YTHDF2: variants seen among roughly 807,000 people sequenced by gnomAD.
YTHDF2 encodes YTH domain-containing family protein 2.
A neutral mutation model predicts 50.4 loss-of-function variants in YTHDF2; 2 were observed. The observed-to-expected ratio is 0.04, with a 90% CI of 0.02 to 0.12. The LOEUF (loss-of-function observed/expected upper bound fraction) is 0.12. Ranked by LOEUF, YTHDF2 falls within the 10% of genes least tolerant of loss-of-function variation. The pLI is 1.00. For missense variants in YTHDF2, 483 were observed against 722.6 expected, an observed-to-expected ratio of 0.67 and a Z score of 3.80; for synonymous variants, 217 against 255.6, an observed-to-expected ratio of 0.85 and a Z score of 1.44.
intron 4 of YTHDF2, among the ~76,000 whole-genome samples, chr1:28,753,001 T>C (rs2087980183): frequency 6.6e-6 from 1 of 152,080 alleles, no homozygotes; most frequent in Middle Eastern, 3.4e-3. Context: ...GCTGTGATCA[T>C]GCCACTGCAC....
At chr1:28,759,366 G>A (rs1247242810) in intron 4 of YTHDF2, among the ~76,000 whole-genome samples, 1 of 152,094 alleles carries the variant, frequency 6.6e-6, no homozygotes, top group Non-Finnish European at 1.5e-5. Context: ...AAAACTTAGG[G>A]AACATACCTA....
At chr1:28,766,734 G>A (rs543605770) in intron 4 of YTHDF2, among the ~76,000 whole-genome samples, 10 of 151,948 alleles carry the variant, frequency 6.6e-5, no homozygotes, top group South Asian at 6.2e-4. Flanking sequence ...TTAATATTAC[G>A]TAATGCTCAA....
chr1:28,749,239 G>A (rs908136106), intron 4 of YTHDF2, among the ~76,000 whole-genome samples: 83 of 146,824 alleles, frequency 5.7e-4, no homozygotes, highest in African/African-American at 1.9e-3. Flanking sequence ...TCGTCCAGGC[G>A]GGAGTGCAGT....
intron 4 of YTHDF2, among the ~76,000 whole-genome samples, chr1:28,760,632 C>T (rs2088108899): frequency 6.6e-6 from 1 of 151,476 alleles, no homozygotes; most frequent in Admixed American, 6.6e-5. Context: ...GGCTGGAGTA[C>T]AGTGGTGTGA....
intron 4 of YTHDF2, among the ~76,000 whole-genome samples, chr1:28,749,179 C>CTTTTTTTTTTTT (rs60729215): frequency 5.6e-5 from 6 of 107,426 alleles, no homozygotes; most frequent in Non-Finnish European, 8.9e-5. Context: ...TTCTTTCTTC[C>CTTTTTTTTTTTT]TTTTTTTTTT....
chr1:28,741,819 C>G (rs574944069), intron 3 of YTHDF2, among the ~76,000 whole-genome samples: 7 of 152,136 alleles, frequency 4.6e-5, no homozygotes, highest in Non-Finnish European at 7.3e-5. Context: ...TTATTATCAC[C>G]TGGTTTGTAT....
chr1:28,744,007 A>G, intron 4 of YTHDF2, 21 bp downstream of exon 4: 1 of 1,519,610 alleles, frequency 6.6e-7, no homozygotes, highest in Non-Finnish European at 8.8e-7. Context: ...TCTTCTTATT[A>G]AGATTTTTAG....
At chr1:28,762,249 G>C (rs1463737679) in intron 4 of YTHDF2, among the ~76,000 whole-genome samples, 1 of 152,222 alleles carries the variant, frequency 6.6e-6, no homozygotes, top group Non-Finnish European at 1.5e-5. Context: ...AAAATTAGCC[G>C]GGCATGGTGG....
intron 4 of YTHDF2, among the ~76,000 whole-genome samples, chr1:28,756,206 C>G (rs2088033495): frequency 6.6e-6 from 1 of 152,104 alleles, no homozygotes. Context: ...GTGAAATAGA[C>G]TATGTAAAAA....
chr1:28,755,678 AGTTT>A (rs1328822725), intron 4 of YTHDF2, among the ~76,000 whole-genome samples: 2 of 152,174 alleles, frequency 1.3e-5, no homozygotes, highest in Non-Finnish European at 2.9e-5. Flanking sequence ...GAGAGAGAAT[AGTTT>A]GAGTTTCAGA....
chr1:28,736,831 C>T, upstream of YTHDF2: 1 of 394,750 alleles, frequency 2.5e-6, no homozygotes, highest in South Asian at 3.6e-5. Context: ...TGAGAGTCAG[C>T]GCTCGCGCCG....
At chr1:28,748,502 C>T (rs2087898454) in intron 4 of YTHDF2, among the ~76,000 whole-genome samples, 1 of 152,176 alleles carries the variant, frequency 6.6e-6, no homozygotes. Context: ...TTTTAAAGTT[C>T]CATGATTGGG....
Position 28,761,995 on chromosome 1 carries a change from G to A in YTHDF2, c.1717-6934G>A, listed in dbSNP as rs1227079511. Among the ~76,000 whole-genome samples, 3 of 152,092 alleles carry A rather than the reference G, an allele frequency of 2.0e-5. No homozygotes were observed. The South Asian group carries it at 6.2e-4, about 32-fold the overall frequency. ...CTTGAAGTCTAAAGTCAAGTCATTAGACTTATTTAACTTATTCACGGCATT... is the reference window on the plus strand; with the variant it reads ...CTTGAAGTCTAAAGTCAAGTCATTAAACTTATTTAACTTATTCACGGCATT... On this transcript the variant is annotated intron_variant, in intron 4 of 4. Coordinates refer to ENST00000373812, the MANE Select transcript of YTHDF2 (RefSeq NM_016258.3).
At chr1:28,767,157 G>A (rs961991931) in intron 4 of YTHDF2, among the ~76,000 whole-genome samples, 1 of 151,948 alleles carries the variant, frequency 6.6e-6, no homozygotes, top group Non-Finnish European at 1.5e-5. Context: ...TGGTATTGTT[G>A]TGTTAAAATT....
At chr1:28,740,598 T>C (rs984856409) in intron 3 of YTHDF2, among the ~76,000 whole-genome samples, 2 of 152,226 alleles carry the variant, frequency 1.3e-5, no homozygotes, top group Non-Finnish European at 2.9e-5. Context: ...GAATTTCTTA[T>C]ATATGTGGAT....
chr1:28,737,039 TC>T lies in YTHDF2; in HGVS notation c.-79del. On this transcript the variant is annotated 5_prime_UTR_variant, in exon 1 of 5. Transcript: ENST00000373812. Reference sequence around the variant, plus strand: ...GTCAGGGACAAAAGCCTCCGCCTGCTCCCGCAGACGGGGCTCATCTGCCGCC... The same window carrying T: ...GTCAGGGACAAAAGCCTCCGCCTGCTCCGCAGACGGGGCTCATCTGCCGCC... The T allele has an allele frequency of 6.6e-7, 1 of 1,522,304 alleles. No individual in the cohort carries two copies. 94.3% of individuals were successfully genotyped at this position (1,522,304 alleles called of 1,614,324 possible). A position where few individuals can be genotyped will look rare whatever the true frequency, so the allele number is the denominator to read the frequency against.
intron 4 of YTHDF2, among the ~76,000 whole-genome samples, chr1:28,766,047 C>T (rs2088211189): frequency 6.6e-6 from 1 of 152,082 alleles, no homozygotes; most frequent in Non-Finnish European, 1.5e-5. Flanking sequence ...TTTTGTGGTC[C>T]AAGTTCTAGT....
In YTHDF2 at chr1:28,765,225, A is replaced by G. The variant is rs1570482442; in HGVS notation, c.1717-3704A>G. Among the ~76,000 whole-genome samples the G allele has an allele frequency of 8.6e-5, 13 of 151,730 alleles. 1 individual carries two copies. In the South Asian group the frequency reaches 2.7e-3, roughly 32 times the overall value. The stretch of plus-strand genomic sequence containing the variant: ...GCCACCTTGCCCAGGCTGGTCTCGA[A>G]CTCTGGCCTTAAGTGATCCACCTGC... On this transcript the variant is annotated intron_variant, in intron 4 of 4. Coordinates refer to ENST00000373812, the MANE Select transcript of YTHDF2 (RefSeq NM_016258.3).
In YTHDF2 at chr1:28,753,144, G is replaced by A. The variant is rs559563283; in HGVS notation, c.1716+9158G>A. ...AAACATGTTTCATGTTTGTATATTG[G>A]AACTTACACCTGGAGAGCCACTGAG... On this transcript the variant is annotated intron_variant, in intron 4 of 4. Transcript: ENST00000373812. Among the ~76,000 whole-genome samples, 4 of 151,544 alleles carry A rather than the reference G, an allele frequency of 2.6e-5. No homozygotes were observed. In the South Asian group the frequency reaches 6.3e-4, roughly 24 times the overall value.
Sources: allele counts gnomAD v4.1 joint callset (sites outside exome capture counted in the v4.1 genomes callset), GRCh38; gene constraint gnomAD v4.1.1; transcripts MANE v1.5; gene names NCBI Gene and HGNC (gene_info 2026-07-23, HGNC 2026-07-21).